Variants in CACNA2D3 observed in about 807,000 individuals in gnomAD.
CACNA2D3 encodes calcium voltage-gated channel auxiliary subunit alpha2delta 3, also known as voltage-dependent calcium channel subunit alpha-2/delta-3.
In CACNA2D3, 60 loss-of-function variants were observed where a neutral mutation model predicts 160.6. The observed-to-expected ratio is 0.37, with a 90% CI of 0.30 to 0.46. CACNA2D3 has a LOEUF of 0.46. CACNA2D3 is among the 20% of genes least tolerant of loss of function. The pLI is 1.00. For synonymous variants in CACNA2D3, 558 were observed against 492.9 expected (o/e 1.13, Z -1.75); for missense variants, 1,205 against 1,365.0 (o/e 0.88, Z 1.85).
intron 4 of CACNA2D3, among the ~76,000 whole-genome samples, chr3:54,441,604 G>A (rs1001459433): frequency 1.2e-4 from 19 of 152,130 alleles, no homozygotes; most frequent in African/African-American, 3.9e-4. Context: ...TTCTTGTAGG[G>A]TTTTTATGGT....
intron 13 of CACNA2D3, among the ~76,000 whole-genome samples, chr3:54,805,458 T>A (rs1346483961): frequency 6.6e-6 from 1 of 152,014 alleles, no homozygotes; most frequent in African/African-American, 2.4e-5. Context: ...CTAGAAGAAA[T>A]GGATAAATTC....
At chr3:55,037,574 G>A (rs1381787575) in intron 35 of CACNA2D3, among the ~76,000 whole-genome samples, 8 of 152,260 alleles carry the variant, frequency 5.3e-5, no homozygotes, top group East Asian at 1.9e-4. Flanking sequence ...GTCTGCCATC[G>A]CCATCAATTT....
At chr3:55,041,059 A>G (rs554698380) in intron 35 of CACNA2D3, among the ~76,000 whole-genome samples, 3 of 152,266 alleles carry the variant, frequency 2.0e-5, no homozygotes, top group East Asian at 3.9e-4. Context: ...CTTTCTTCAT[A>G]TTATATTATA....
At chr3:54,174,764 A>G (rs1198015033) in intron 2 of CACNA2D3, among the ~76,000 whole-genome samples, 2 of 152,102 alleles carry the variant, frequency 1.3e-5, no homozygotes, top group African/African-American at 2.4e-5. Context: ...TGACCTTGTG[A>G]TCCACCCGCC....
intron 17 of CACNA2D3, among the ~76,000 whole-genome samples, chr3:54,870,889 C>T (rs1376419988): frequency 2.0e-5 from 3 of 152,142 alleles, no homozygotes; most frequent in Admixed American, 1.3e-4. Context: ...GAGATCAGTG[C>T]TTTTGCTTCC....
intron 2 of CACNA2D3, among the ~76,000 whole-genome samples, chr3:54,183,456 GC>G (rs1468248247): frequency 6.6e-6 from 1 of 151,874 alleles, no homozygotes; most frequent in Non-Finnish European, 1.5e-5. Context: ...CTGCATCCTG[GC>G]CCATATACTT....
intron 35 of CACNA2D3, among the ~76,000 whole-genome samples, chr3:55,067,308 T>C (rs1175798035): frequency 2.6e-5 from 4 of 152,184 alleles, no homozygotes; most frequent in African/African-American, 9.7e-5. Flanking sequence ...AGACAGACAG[T>C]CTGCTGCCTG....
rs569791071 is a variant in CACNA2D3 at position 54,268,539 on chromosome 3, A to C, written c.205-51903A>C. ...ATTCTCCTGCCTCAGCCTCCTGTCT[A>C]GCTGGGATTATAGGTGCCCACCACC... is the stretch of plus-strand genomic sequence containing the variant. On this transcript the variant is annotated intron_variant, in intron 2 of 37. Coordinates refer to ENST00000474759, the MANE Select transcript of CACNA2D3 (RefSeq NM_018398.3). 3.9e-5 allele frequency among the ~76,000 whole-genome samples: 6 copies of C among 152,180 alleles called. No individual in the cohort carries two copies. In the South Asian group the frequency reaches 1.2e-3, roughly 32 times the overall value.
intron 2 of CACNA2D3, among the ~76,000 whole-genome samples, chr3:54,173,845 A>C (rs925661321): frequency 5.9e-5 from 9 of 152,190 alleles, no homozygotes; most frequent in Non-Finnish European, 1.2e-4. Flanking sequence ...AATTTTAAAG[A>C]TCTCTCCTAA....
At chr3:54,533,135 C>T (rs1701831071) in intron 5 of CACNA2D3, among the ~76,000 whole-genome samples, 1 of 152,142 alleles carries the variant, frequency 6.6e-6, no homozygotes, top group East Asian at 1.9e-4. Context: ...TCCTGTCTGT[C>T]TAAACCCTGT....
intron 2 of CACNA2D3, among the ~76,000 whole-genome samples, chr3:54,258,789 C>T (rs561396904): frequency 6.6e-6 from 1 of 152,128 alleles, no homozygotes; most frequent in Non-Finnish European, 1.5e-5. Flanking sequence ...ACTTTCATAA[C>T]ACCTGAAGGG....
chr3:55,052,301 G>T (rs1704245072), intron 35 of CACNA2D3, among the ~76,000 whole-genome samples: 1 of 151,956 alleles, frequency 6.6e-6, no homozygotes, highest in African/African-American at 2.4e-5. Flanking sequence ...AGCATTCTTT[G>T]TATAATTTTA....
chr3:54,784,493 G>T (rs1181237689), intron 13 of CACNA2D3, among the ~76,000 whole-genome samples: 4 of 151,776 alleles, frequency 2.6e-5, no homozygotes, highest in South Asian at 2.1e-4. Context: ...TAGTCACTTT[G>T]TCTTATTAAA....
chr3:54,911,100 C>G (rs1184180253), intron 27 of CACNA2D3, among the ~76,000 whole-genome samples: 1 of 152,128 alleles, frequency 6.6e-6, no homozygotes, highest in Non-Finnish European at 1.5e-5. Flanking sequence ...TCGTTTCATT[C>G]ATAAATACGT....
intron 4 of CACNA2D3, among the ~76,000 whole-genome samples, chr3:54,387,598 G>T (rs752194334): frequency 3.9e-5 from 6 of 152,228 alleles, no homozygotes; most frequent in Non-Finnish European, 7.3e-5. Context: ...GTTGCAGTGA[G>T]CTGAGATTGA....
At chr3:54,210,495 T>C (rs1431455009) in intron 2 of CACNA2D3, among the ~76,000 whole-genome samples, 2 of 152,176 alleles carry the variant, frequency 1.3e-5, no homozygotes, top group East Asian at 1.9e-4. Context: ...AGAAAAAATA[T>C]GTTTAAAAAT....
chr3:54,516,049 C>T (rs1356294106), intron 5 of CACNA2D3, among the ~76,000 whole-genome samples: 1 of 152,216 alleles, frequency 6.6e-6, no homozygotes, highest in Non-Finnish European at 1.5e-5. Context: ...TGGAGCCTGA[C>T]ATGCATCAGG....
At chr3:54,454,967 A>G (rs534675224) in intron 4 of CACNA2D3, among the ~76,000 whole-genome samples, 4 of 152,282 alleles carry the variant, frequency 2.6e-5, no homozygotes, top group African/African-American at 9.6e-5. Context: ...ATGTGTATAC[A>G]TTCCACATTT....
At chr3:54,836,226 C>CTTTTTTTTTTTTTTT (rs71096454) in intron 14 of CACNA2D3, among the ~76,000 whole-genome samples, 20 of 92,688 alleles carry the variant, frequency 2.2e-4, no homozygotes, top group Non-Finnish European at 2.9e-4. Flanking sequence ...TTTTTTTTTT[C>CTTTTTTTTTTTTTTT]TTTTTTTTTT....
Sources: gnomAD v4.1 joint callset for allele counts (sites outside exome capture counted in the v4.1 genomes callset) on GRCh38, gnomAD v4.1.1 for gene constraint, MANE v1.5 for transcripts, NCBI Gene and HGNC (gene_info 2026-07-23, HGNC 2026-07-21) for gene names.